MYO1C: variants seen among roughly 807,000 people sequenced by gnomAD.
The protein encoded by MYO1C is myosin IC.
In MYO1C, 104 loss-of-function variants were observed where a neutral mutation model predicts 150.8. The ratio of observed to expected loss-of-function variants is 0.69; its 90% CI spans 0.59 to 0.81. MYO1C has a LOEUF of 0.81. MYO1C is among the 30% of genes least tolerant of loss of function. The pLI is 0.00. For missense variants in MYO1C, 1,504 were observed against 1,435.0 expected (o/e 1.05, Z -0.78); for synonymous variants, 663 against 579.9 (o/e 1.14, Z -2.06).
At chr17:1,472,322 C>T (rs1329038443) in intron 17 of MYO1C, 94 bp from the exon 18 acceptor site, 13 of 1,061,884 alleles carry the variant, frequency 1.2e-5, no homozygotes, top group Middle Eastern at 2.7e-4. Flanking sequence ...TGGTGACGCG[C>T]GCAGCAGCCT....
At chr17:1,466,656 A>C (rs1598316904) in intron 31 of MYO1C, among the ~76,000 whole-genome samples, 6 of 113,260 alleles carry the variant, frequency 5.3e-5, no homozygotes, top group South Asian at 2.7e-4. Flanking sequence ...ATGACATCTC[A>C]CTCTGTTCCC....
rs1247614304 is a variant in MYO1C, at chr17:1,479,151, T to C, written c.1092+280A>G. On this transcript the variant is annotated intron_variant, in intron 9 of 31. Transcript: ENST00000648651. The surrounding 1 kb of genome is among the most constrained non-coding windows in gnomAD (Gnocchi z 4.2). Reference sequence around the variant, plus strand: ...CTGGGATTACAGGCGCCCGCCACCATGCCCGGCTAATTTTTGTATTCTTAG... The same window carrying C: ...CTGGGATTACAGGCGCCCGCCACCACGCCCGGCTAATTTTTGTATTCTTAG... Among the ~76,000 whole-genome samples, 3 of 152,126 alleles carry C rather than the reference T, an allele frequency of 2.0e-5. No homozygotes were observed. The highest frequency in any genetic ancestry group is 4.8e-5 in the African/African-American group (2 of 41,422).
chr17:1,466,735 C>T (rs2074179338), intron 31 of MYO1C, among the ~76,000 whole-genome samples: 1 of 151,848 alleles, frequency 6.6e-6, no homozygotes, highest in Non-Finnish European at 1.5e-5. Flanking sequence ...AAGCAATTCT[C>T]CCGCCTCAGC....
In MYO1C at chr17:1,492,513, T is replaced by G; in HGVS notation, c.-26A>C. The G allele has an allele frequency of 6.3e-7, 1 of 1,579,160 alleles. No individual in the cohort carries two copies. Among genetic ancestry groups the G allele is most frequent in the Non-Finnish European group, 8.6e-7 (1 of 1,162,794 alleles). ...TCCGCCCTGCGGAGAGCCAGCGGCC[T>G]GGGCACCGCGGCCTGTGAGCAAGAG... is the stretch of plus-strand genomic sequence containing the variant. On this transcript the variant is annotated 5_prime_UTR_variant, in exon 1 of 32. Transcript: ENST00000648651.
At chr17:1,466,966 C>T (rs1322789548) in intron 31 of MYO1C, among the ~76,000 whole-genome samples, 1 of 151,974 alleles carries the variant, frequency 6.6e-6, no homozygotes, top group African/African-American at 2.4e-5. Flanking sequence ...CCATGTTGGC[C>T]AGGCTGGTTT....
intron 17 of MYO1C, among the ~76,000 whole-genome samples, chr17:1,473,773 G>A: frequency 6.6e-6 from 1 of 152,036 alleles, no homozygotes; most frequent in African/African-American, 2.4e-5. Flanking sequence ...TCTGGACTGG[G>A]CCCTCACTAT....
chr17:1,471,983 G>A lies in MYO1C; in HGVS notation c.1945C>T (p.Leu649=), dbSNP rs1250543676. 2 of 1,614,114 alleles carry A rather than the reference G, an allele frequency of 1.2e-6. No individual in the cohort carries two copies. Among genetic ancestry groups the A allele is most frequent in the East Asian group, 2.2e-5 (1 of 44,880 alleles). Residue 649 remains leucine, a synonymous_variant, in exon 19 of 32, where the codon CTG becomes TTG. Transcript: ENST00000648651. ...ACGCGCAGGTTTTCCAACAGCCCCA[G>A]GTACTTCACCTGGTGGCGGATCAGC... ...EVLIRHQVKY[L]GLLENLRVRR...
chr17:1,468,608 C>T (rs533812165), intron 25 of MYO1C, 112 bp from the exon 26 acceptor site: 18 of 846,424 alleles, frequency 2.1e-5, no homozygotes, highest in South Asian at 1.3e-4. Flanking sequence ...GCTGGTCCCT[C>T]TCTGGCTCAG....
rs1182648147 is a variant in MYO1C at position 1,464,605 on chromosome 17, AG to A, written c.*1120del. 2 of 152,714 alleles carry A rather than the reference AG, an allele frequency of 1.3e-5. No homozygotes were observed. Among genetic ancestry groups the A allele is most frequent in the Non-Finnish European group, 2.9e-5 (2 of 68,112 alleles). The allele number at this position is 152,714 out of a possible 1,614,324, so 9.5% of individuals were successfully genotyped here. A position where few individuals can be genotyped will look rare whatever the true frequency, so the allele number is the denominator to read the frequency against. ...CTGGGAGTGGCAGTGAGGCACGCTG[AG>A]GAAGGGCTGCCATCTTGGTTTTGTG... is the stretch of plus-strand genomic sequence containing the variant. On this transcript the variant is annotated 3_prime_UTR_variant, in exon 32 of 32. Coordinates refer to ENST00000648651, the MANE Select transcript of MYO1C (RefSeq NM_001080779.2).
At position 1,479,732 on chromosome 17, in the gene MYO1C, G is replaced by A. The variant is rs766151617; in HGVS notation, c.907-27C>T. Reference sequence around the variant, plus strand: ...TGGGGGAGCAGGCCGGGGGCAGGAGGGGGTGAGAGGGGCCAGAGAGCCCCA... The same window carrying A: ...TGGGGGAGCAGGCCGGGGGCAGGAGAGGGTGAGAGGGGCCAGAGAGCCCCA... On this transcript the variant is annotated intron_variant, in intron 7 of 31. Coordinates refer to ENST00000648651, the MANE Select transcript of MYO1C (RefSeq NM_001080779.2). The surrounding 1 kb of genome is among the most constrained non-coding windows in gnomAD (Gnocchi z 4.2). 5.2e-6 allele frequency: 8 copies of A among 1,548,454 alleles called. No individual in the cohort carries two copies. The highest frequency in any genetic ancestry group is 3.6e-5 in the Admixed American group (2 of 55,750).
chr17:1,483,486 CTG>C (rs2074582007), intron 3 of MYO1C, 122 bp downstream of exon 3: 9 of 721,642 alleles, frequency 1.2e-5, no homozygotes, highest in Non-Finnish European at 2.1e-5. Context: ...GGGCAAGAGA[CTG>C]TGGGATTCCT....
At chr17:1,469,400 G>C (rs185571775) in intron 25 of MYO1C, 131 bp downstream of exon 25, 2 of 896,164 alleles carry the variant, frequency 2.2e-6, no homozygotes, top group South Asian at 1.4e-5. Flanking sequence ...CGGTAGATCG[G>C]GGTAAATACG....
chr17:1,469,745 C>T (rs914743099), intron 24 of MYO1C, 131 bp from the exon 25 acceptor site: 1 of 835,846 alleles, frequency 1.2e-6, no homozygotes, highest in Non-Finnish European at 2.0e-6. Context: ...GGTCAAGAGA[C>T]CTTACTCGGC....
chr17:1,483,024 C>A lies in MYO1C; in HGVS notation c.383G>T (p.Arg128Leu), dbSNP rs765655868. 2 of 1,611,458 alleles carry A rather than the reference C, an allele frequency of 1.2e-6. No individual in the cohort carries two copies. Among genetic ancestry groups the A allele is most frequent in the Non-Finnish European group, 1.7e-6 (2 of 1,179,776 alleles). Residue 128 changes from arginine to leucine, a missense_variant, in exon 4 of 32, where the codon CGC becomes CTC. Coordinates refer to ENST00000648651, the MANE Select transcript of MYO1C (RefSeq NM_001080779.2). The stretch of plus-strand genomic sequence containing the variant: ...CACAGCCTGGTCCCGACGCTCCGTG[C>A]GCAGTGCTCGGTACACAGTGTCCGC... ...AVADTVYRAL[R>L]TERRDQAVMI... is the part of the protein sequence containing the mutation.
intron 24 of MYO1C, among the ~76,000 whole-genome samples, chr17:1,469,894 G>A (rs1336954619): frequency 6.6e-6 from 1 of 152,158 alleles, no homozygotes; most frequent in Non-Finnish European, 1.5e-5. Context: ...AATTAGCCGG[G>A]CGTAGTGGCG....
In MYO1C at chr17:1,469,412, T is replaced by C. The variant is rs140241413; in HGVS notation, c.2610+119A>G. 7.9e-4 allele frequency: 781 copies of C among 994,112 alleles called. 12 individuals carry two copies. The East Asian group carries it at 0.017, about 21-fold the overall frequency. The allele number at this position is 994,112 out of a possible 1,614,324, so 61.6% of individuals were successfully genotyped here. On this transcript the variant is annotated intron_variant, in intron 25 of 31. Coordinates refer to ENST00000648651, the MANE Select transcript of MYO1C (RefSeq NM_001080779.2). ...ATACGGTAGATCGGGGTAAATACGG[T>C]AGAACGCGGTAAATACGGTAGACCG... is the stretch of plus-strand genomic sequence containing the variant.
Position 1,485,127 on chromosome 17 carries a change from A to G in MYO1C, c.76-824T>C, listed in dbSNP as rs1019461521. ...TCAGGGGATGGGGGCTTTACCATGG[A>G]AAGCCCAGCTGCCTCTGGGTCCTAC... On this transcript the variant is annotated intron_variant, in intron 1 of 31. Transcript: ENST00000648651. 3.1e-5 allele frequency: 37 copies of G among 1,212,916 alleles called. No individual in the cohort carries two copies. The African/African-American group carries it at 5.2e-4, about 17-fold the overall frequency. The allele number at this position is 1,212,916 out of a possible 1,614,324, so 75.1% of individuals were successfully genotyped here.
chr17:1,480,241 G>A (rs1008312050), intron 7 of MYO1C, among the ~76,000 whole-genome samples: 15 of 151,732 alleles, frequency 9.9e-5, no homozygotes, highest in African/African-American at 3.1e-4. Flanking sequence ...GAGGTCGGGA[G>A]TTCGAGACCA....
At chr17:1,477,477 C>A in intron 14 of MYO1C, 28 bp downstream of exon 14, 2 of 1,600,556 alleles carry the variant, frequency 1.2e-6, no homozygotes, top group Non-Finnish European at 1.7e-6. Context: ...TGAGCCCTTG[C>A]CCCCAGCAGC....
Sources: allele counts gnomAD v4.1 joint callset (sites outside exome capture counted in the v4.1 genomes callset), GRCh38; gene constraint gnomAD v4.1.1; non-coding constraint Gnocchi (gnomAD v3.1); transcripts MANE v1.5; gene names NCBI Gene and HGNC (gene_info 2026-07-23, HGNC 2026-07-21).